The following DENND1A variants were observed in gnomAD, a reference collection of about 807,000 sequenced individuals.
DENND1A encodes the protein DENN domain-containing protein 1A.
In DENND1A, 51 loss-of-function variants were observed where a neutral mutation model predicts 113.7. That is an observed-to-expected ratio of 0.45 (90% CI 0.36 to 0.57). DENND1A has a LOEUF of 0.57. Ranked by LOEUF, DENND1A falls within the 20% of genes least tolerant of loss-of-function variation. DENND1A has a pLI of 0.00. For synonymous variants in DENND1A, 565 were observed against 570.8 expected, an observed-to-expected ratio of 0.99 and a Z score of 0.14; for missense variants, 1,258 against 1,395.9, an observed-to-expected ratio of 0.90 and a Z score of 1.57.
At chr9:123,410,397 G>A (rs2044211787) in intron 20 of DENND1A, among the ~76,000 whole-genome samples, 1 of 152,224 alleles carries the variant, frequency 6.6e-6, no homozygotes, top group Admixed American at 6.5e-5. Context: ...GTGACAGTGA[G>A]CAGACATATT....
At chr9:123,558,344 A>G (rs2057544352) in intron 12 of DENND1A, among the ~76,000 whole-genome samples, 1 of 152,210 alleles carries the variant, frequency 6.6e-6, no homozygotes, top group Non-Finnish European at 1.5e-5. Flanking sequence ...GTTAGAATAA[A>G]GGCTTATTTA....
At chr9:123,765,903 G>A (rs979399960) in intron 4 of DENND1A, among the ~76,000 whole-genome samples, 2 of 152,108 alleles carry the variant, frequency 1.3e-5, no homozygotes, top group African/African-American at 4.8e-5. Flanking sequence ...TGCCTTTCCT[G>A]GCCCTGTAAA....
chr9:123,825,811 T>A (rs1310857655), intron 2 of DENND1A, among the ~76,000 whole-genome samples: 1 of 152,274 alleles, frequency 6.6e-6, no homozygotes, highest in Non-Finnish European at 1.5e-5. Context: ...AAATTATACA[T>A]CCTTGCCTGT....
At chr9:123,781,084 A>AT (rs1422304849) in intron 3 of DENND1A, among the ~76,000 whole-genome samples, 5 of 152,126 alleles carry the variant, frequency 3.3e-5, no homozygotes, top group African/African-American at 1.2e-4. Flanking sequence ...CACAGCTAAG[A>AT]TTTTGTGCAG....
At chr9:123,834,268 A>C (rs543070) in intron 2 of DENND1A, among the ~76,000 whole-genome samples, 21 of 152,034 alleles carry the variant, frequency 1.4e-4, no homozygotes, top group Non-Finnish European at 5.9e-5. Flanking sequence ...CAACAGAATC[A>C]TAAAAGCAGT....
At chr9:123,747,116 A>C (rs1332723778) in intron 5 of DENND1A, among the ~76,000 whole-genome samples, 1 of 151,110 alleles carries the variant, frequency 6.6e-6, no homozygotes, top group African/African-American at 2.4e-5. Flanking sequence ...ACTTAAAATA[A>C]AAAAAAAATC....
chr9:123,381,246 G>T lies in DENND1A; in HGVS notation c.*186C>A. 1.6e-6 allele frequency: 1 copy of T among 639,272 alleles called. No homozygotes were observed. Among genetic ancestry groups the T allele is most frequent in the Non-Finnish European group, 2.7e-6 (1 of 372,988 alleles). 39.6% of individuals were successfully genotyped at this position (639,272 alleles called of 1,614,324 possible). ...TGGGTTGATTCCCAGGCTGGAACTGGTGCCATTCCCCAGGGCCAGACATCA... is the reference window on the plus strand; with the variant it reads ...TGGGTTGATTCCCAGGCTGGAACTGTTGCCATTCCCCAGGGCCAGACATCA... On this transcript the variant is annotated 3_prime_UTR_variant, in exon 24 of 24. Transcript: ENST00000394215. The surrounding 1 kb of genome is among the most constrained non-coding windows in gnomAD (Gnocchi z 4.7).
intron 18 of DENND1A, among the ~76,000 whole-genome samples, chr9:123,441,931 A>G (rs2046961693): frequency 6.6e-6 from 1 of 152,214 alleles, no homozygotes. Flanking sequence ...GACATGGAGG[A>G]AAGTAATTCC....
At chr9:123,636,174 A>T (rs548082608) in intron 9 of DENND1A, among the ~76,000 whole-genome samples, 1 of 152,090 alleles carries the variant, frequency 6.6e-6, no homozygotes, top group Non-Finnish European at 1.5e-5. Context: ...AGGTCACCCC[A>T]TCTCCATCAC....
At chr9:123,925,185 G>C (rs1198962836) in intron 1 of DENND1A, among the ~76,000 whole-genome samples, 1 of 152,020 alleles carries the variant, frequency 6.6e-6, no homozygotes, top group East Asian at 1.9e-4. Context: ...ACAATTCCTG[G>C]CATTTAAGTG....
intron 2 of DENND1A, among the ~76,000 whole-genome samples, chr9:123,811,486 A>G (rs1173679391): frequency 1.3e-5 from 2 of 152,194 alleles, no homozygotes; most frequent in African/African-American, 2.4e-5. Flanking sequence ...ACGGCTGGGC[A>G]TGGTGGCTCA....
At chr9:123,882,322 C>CA (rs59820553) in intron 1 of DENND1A, among the ~76,000 whole-genome samples, 35,922 of 124,148 alleles carry the variant, frequency 0.29, 4,766 homozygotes, top group East Asian at 0.55. Context: ...AACCTTGTTT[C>CA]AAAAAAAAAA....
At position 123,756,054 on chromosome 9, in the gene DENND1A, G is replaced by A. The variant is rs569914883; in HGVS notation, c.302+1649C>T. 7.9e-5 allele frequency among the ~76,000 whole-genome samples: 12 copies of A among 152,302 alleles called. No homozygotes were observed. In the East Asian group the frequency reaches 2.3e-3, roughly 29 times the overall value. ...GCCTCCCAAGTAGCTGGGATTACAG[G>A]CATGTGCCATCACACCCAGCTAATT... On this transcript the variant is annotated intron_variant, in intron 5 of 23. Transcript: ENST00000394215.
intron 5 of DENND1A, among the ~76,000 whole-genome samples, chr9:123,697,563 G>A (rs999321692): frequency 1.3e-5 from 2 of 152,008 alleles, no homozygotes; most frequent in Admixed American, 6.5e-5. Context: ...TCAAGTCCCC[G>A]AAGTCCATTG....
chr9:123,503,895 G>A (rs1340932586), intron 13 of DENND1A, among the ~76,000 whole-genome samples: 2 of 152,120 alleles, frequency 1.3e-5, no homozygotes, highest in Non-Finnish European at 2.9e-5. Flanking sequence ...GGTCCTGTCG[G>A]GTCTTTATCG....
chr9:123,402,946 C>T lies in DENND1A; in HGVS notation c.1631+456G>A, dbSNP rs535517876. On this transcript the variant is annotated intron_variant, in intron 21 of 23. Coordinates refer to ENST00000394215, the MANE Select transcript of DENND1A (RefSeq NM_001352964.2). ...AAAAACCACAGTAACATAAATCCTC[C>T]GGCACAGGTGGGCAAAGGGTCCTGG... Among the ~76,000 whole-genome samples the T allele has an allele frequency of 4.7e-4, 71 of 152,310 alleles. No homozygotes were observed. The Middle Eastern group carries it at 0.014, about 29-fold the overall frequency.
At chr9:123,809,565 G>A (rs1836188297) in intron 2 of DENND1A, among the ~76,000 whole-genome samples, 1 of 152,170 alleles carries the variant, frequency 6.6e-6, no homozygotes, top group African/African-American at 2.4e-5. Context: ...CTGGTTTTCT[G>A]TGTGGCTAAC....
chr9:123,520,430 C>T (rs1017284382), intron 13 of DENND1A, among the ~76,000 whole-genome samples: 1 of 152,154 alleles, frequency 6.6e-6, no homozygotes, highest in African/African-American at 2.4e-5. Flanking sequence ...TACAGCCTGG[C>T]CAACAACAGC....
intron 2 of DENND1A, among the ~76,000 whole-genome samples, chr9:123,848,228 T>TAAAAAAAAAAAAAAAAAAAAAAA (rs375535777): frequency 1.7e-5 from 1 of 60,498 alleles, no homozygotes; most frequent in Non-Finnish European, 2.9e-5. Flanking sequence ...GATACTGCTT[T>TAAAAAAAAAAAAAAAAAAAAAAA]AAAAAAAAAA....
Sources: allele counts gnomAD v4.1 joint callset (sites outside exome capture counted in the v4.1 genomes callset), GRCh38; gene constraint gnomAD v4.1.1; non-coding constraint Gnocchi (gnomAD v3.1); transcripts MANE v1.5; gene names NCBI Gene and HGNC (gene_info 2026-07-23, HGNC 2026-07-21).